MEGF10: variants seen among roughly 807,000 people sequenced by gnomAD.
MEGF10 encodes the protein multiple epidermal growth factor-like domains protein 10.
Under a neutral mutation model 147.5 loss-of-function variants are expected in MEGF10, and 86 were observed. The observed-to-expected ratio is 0.58, with a 90% CI of 0.49 to 0.70. The LOEUF (loss-of-function observed/expected upper bound fraction) is 0.70. Among genes scored for constraint, MEGF10 ranks in the 30% least tolerant of loss-of-function variants. The probability of loss-of-function intolerance (pLI) is 0.00; values close to 1 mark genes in which losing one functional copy is unlikely to be tolerated. For synonymous variants in MEGF10, 478 were observed against 525.5 expected (o/e 0.91, Z 1.24); for missense variants, 1,329 against 1,487.3 (o/e 0.89, Z 1.75).
In MEGF10 at chr5:127,416,956, A is replaced by G. The variant is rs76657991; in HGVS notation, c.1131-682A>G. On this transcript the variant is annotated intron_variant, in intron 9 of 24. Coordinates refer to ENST00000503335, the MANE Select transcript of MEGF10 (RefSeq NM_001256545.2). Reference sequence around the variant, plus strand: ...CTAGTTAAGGGAGGGTTTTAGCTCCATCAGGCAAGGAAGACCATCTTTAAA... The same window carrying G: ...CTAGTTAAGGGAGGGTTTTAGCTCCGTCAGGCAAGGAAGACCATCTTTAAA... Among the ~76,000 whole-genome samples, 353 of 152,376 alleles carry G rather than the reference A, an allele frequency of 2.3e-3. 3 individuals are homozygous for G. Among genetic ancestry groups the G allele is most frequent in the Middle Eastern group, 0.01 (3 of 294 alleles).
intron 13 of MEGF10, among the ~76,000 whole-genome samples, chr5:127,431,905 C>T (rs945888257): frequency 6.6e-6 from 1 of 151,876 alleles, no homozygotes; most frequent in Admixed American, 6.6e-5. Context: ...TGTATCACAT[C>T]TGGTGAGGGT....
chr5:127,368,315 C>T (rs1424686644), intron 4 of MEGF10, among the ~76,000 whole-genome samples: 2 of 152,182 alleles, frequency 1.3e-5, no homozygotes, highest in African/African-American at 4.8e-5. Context: ...TACCCTGGAC[C>T]AGGGTCCCAA....
chr5:127,257,809 T>C, the MEGF10 span, among the ~76,000 whole-genome samples: 29 of 152,340 alleles, frequency 1.9e-4, no homozygotes, highest in African/African-American at 6.7e-4. Flanking sequence ...AAAAAATGTA[T>C]AATTCTAACT....
intron 1 of MEGF10, among the ~76,000 whole-genome samples, chr5:127,303,178 A>C (rs1340270333): frequency 1.3e-5 from 2 of 152,078 alleles, no homozygotes; most frequent in Non-Finnish European, 2.9e-5. Flanking sequence ...CTCTACTAAA[A>C]TTCAAAAATT....
intron 1 of MEGF10, among the ~76,000 whole-genome samples, chr5:127,312,901 T>C (rs1760355682): frequency 6.6e-6 from 1 of 152,212 alleles, no homozygotes; most frequent in Admixed American, 6.5e-5. Context: ...TAAATTATCT[T>C]GAAAAAAATT....
rs77203884 is a variant in MEGF10 at position 127,340,614 on chromosome 5, C to T, written c.303C>T (p.Ser101=). 4.2e-4 allele frequency: 671 copies of T among 1,612,408 alleles called. 1 individual carries two copies. The African/African-American group carries it at 7.9e-3, about 19-fold the overall frequency. Residue 101 remains serine (S), a synonymous_variant, in exon 4 of 25, where the codon AGC becomes AGT. Coordinates refer to ENST00000503335, the MANE Select transcript of MEGF10 (RefSeq NM_001256545.2). The part of the protein sequence containing the change: ...KSQCCPGFYE[S]GEMCVPHCAD... ...AGTGTTGTCCTGGATTTTATGAAAG[C>T]GGGGAAATGTGTGTCCGTAAGTAAG... is the stretch of plus-strand genomic sequence containing the variant.
At chr5:127,237,574 C>T in the MEGF10 span, among the ~76,000 whole-genome samples, 2 of 152,104 alleles carry the variant, frequency 1.3e-5, no homozygotes, top group Non-Finnish European at 2.9e-5. Flanking sequence ...AAAAAGAAAA[C>T]ATGCTATGTG....
At chr5:127,397,221 G>A (rs1258427449) in intron 6 of MEGF10, among the ~76,000 whole-genome samples, 1 of 152,190 alleles carries the variant, frequency 6.6e-6, no homozygotes, top group African/African-American at 2.4e-5. Flanking sequence ...TGCATTAGAA[G>A]AGAAAAGGAG....
chr5:127,273,407 A>T, the MEGF10 span, among the ~76,000 whole-genome samples: 1 of 152,220 alleles, frequency 6.6e-6, no homozygotes, highest in African/African-American at 2.4e-5. Flanking sequence ...CAATGTGAGT[A>T]CCTGGATATT....
At chr5:127,264,320 G>A in the MEGF10 span, among the ~76,000 whole-genome samples, 29 of 152,150 alleles carry the variant, frequency 1.9e-4, no homozygotes, top group African/African-American at 7.0e-4. Flanking sequence ...CTCTAGAGGT[G>A]GAAACTGTAT....
In MEGF10 at chr5:127,438,617, G is replaced by C. The variant is rs780607479; in HGVS notation, c.2233+50G>C. ...CACCAAGGGGAGCCTTGTCCAAGGA[G>C]GAAACAGCCTTACCCTCCGCATGCG... On this transcript the variant is annotated intron_variant, in intron 17 of 24. Coordinates refer to ENST00000503335, the MANE Select transcript of MEGF10 (RefSeq NM_001256545.2). 5 of 1,603,114 alleles carry C rather than the reference G, an allele frequency of 3.1e-6. No homozygotes were observed. In the South Asian group the frequency reaches 5.6e-5, roughly 18 times the overall value.
chr5:127,370,452 A>T lies in MEGF10; in HGVS notation c.412+450A>T, dbSNP rs574691800. 5.3e-5 allele frequency among the ~76,000 whole-genome samples: 8 copies of T among 152,320 alleles called. No homozygotes were observed. In the East Asian group the frequency reaches 1.2e-3, roughly 22 times the overall value. On this transcript the variant is annotated intron_variant, in intron 5 of 24. Transcript: ENST00000503335. The stretch of plus-strand genomic sequence containing the variant: ...TGAAACTGGCATTTTTGACACTAAC[A>T]TATCTTTTTGTCTCTGAATTCTGAG...
the MEGF10 span, among the ~76,000 whole-genome samples, chr5:127,242,958 G>C: frequency 6.6e-6 from 1 of 152,028 alleles, no homozygotes; most frequent in Non-Finnish European, 1.5e-5. Flanking sequence ...CATTTCCCAT[G>C]TATGTTTATG....
intron 1 of MEGF10, among the ~76,000 whole-genome samples, chr5:127,329,207 G>A (rs576873940): frequency 6.6e-6 from 1 of 152,092 alleles, no homozygotes; most frequent in East Asian, 1.9e-4. Flanking sequence ...TCAATAATTT[G>A]AATTAATCTA....
chr5:127,273,970 C>T, the MEGF10 span, among the ~76,000 whole-genome samples: 1 of 152,078 alleles, frequency 6.6e-6, no homozygotes, highest in Admixed American at 6.5e-5. Flanking sequence ...GATGAATGAC[C>T]ATGTGACCTT....
chr5:127,341,761 A>G (rs1761692634), intron 4 of MEGF10, among the ~76,000 whole-genome samples: 1 of 152,210 alleles, frequency 6.6e-6, no homozygotes, highest in African/African-American at 2.4e-5. Flanking sequence ...CCTGGTCAGT[A>G]ATTATACTTC....
chr5:127,370,396 A>G (rs1170208933), intron 5 of MEGF10, among the ~76,000 whole-genome samples: 2 of 152,162 alleles, frequency 1.3e-5, no homozygotes, highest in Non-Finnish European at 2.9e-5. Context: ...GGTGATTAAA[A>G]TTTACCACCT....
rs146807549 is a variant in MEGF10 at position 127,411,040 on chromosome 5, A to G, written c.1130+439A>G. ...CAGCACATCTGTGGAAGAAAAAAAAAGGCTAGAGAGAGGAAGTGAACTGGT... is the reference window on the plus strand; with the variant it reads ...CAGCACATCTGTGGAAGAAAAAAAAGGGCTAGAGAGAGGAAGTGAACTGGT... On this transcript the variant is annotated intron_variant, in intron 9 of 24. Coordinates refer to ENST00000503335, the MANE Select transcript of MEGF10 (RefSeq NM_001256545.2). 2.0e-5 allele frequency among the ~76,000 whole-genome samples: 3 copies of G among 152,138 alleles called. No individual in the cohort carries two copies. The East Asian group carries it at 5.8e-4, about 29-fold the overall frequency.
chr5:127,374,594 G>A (rs1762959517), intron 5 of MEGF10, among the ~76,000 whole-genome samples: 1 of 152,068 alleles, frequency 6.6e-6, no homozygotes, highest in South Asian at 2.1e-4. Flanking sequence ...CCTAAAATGA[G>A]GAGATGCAAG....
Sources: allele counts gnomAD v4.1 joint callset (sites outside exome capture counted in the v4.1 genomes callset), GRCh38; gene constraint gnomAD v4.1.1; transcripts MANE v1.5; gene names NCBI Gene and HGNC (gene_info 2026-07-23, HGNC 2026-07-21).